PTPRA: variants seen among roughly 807,000 people sequenced by gnomAD.
PTPRA encodes receptor-type tyrosine-protein phosphatase alpha.
PTPRA carries 25 observed loss-of-function variants against 104.8 expected under a neutral mutation model. That is an observed-to-expected ratio of 0.24 (90% confidence interval 0.17 to 0.33). The LOEUF (loss-of-function observed/expected upper bound fraction) is 0.33. Among genes scored for constraint, PTPRA ranks in the 10% least tolerant of loss-of-function variants. The probability of loss-of-function intolerance (pLI) is 1.00; values close to 1 mark genes in which losing one functional copy is unlikely to be tolerated. For missense variants in PTPRA, 765 were observed against 1,015.3 expected (o/e 0.75, Z 3.35); for synonymous variants, 323 against 368.9 (o/e 0.88, Z 1.43).
intron 5 of PTPRA, among the ~76,000 whole-genome samples, chr20:2,971,823 T>C (rs1337014688): frequency 6.6e-6 from 1 of 152,074 alleles, no homozygotes; most frequent in African/African-American, 2.4e-5. Context: ...CTATGGTGGA[T>C]TCTATTCCTA....
chr20:2,956,221 A>G (rs768858357), intron 3 of PTPRA, among the ~76,000 whole-genome samples: 3 of 152,198 alleles, frequency 2.0e-5, no homozygotes, highest in Non-Finnish European at 2.9e-5. Context: ...TCACTCTGCC[A>G]TCAGTCATTG....
chr20:2,967,562 A>C (rs1294494791), intron 5 of PTPRA, among the ~76,000 whole-genome samples: 2 of 151,808 alleles, frequency 1.3e-5, no homozygotes, highest in Admixed American at 6.6e-5. Flanking sequence ...TTGTTTATTT[A>C]GTTTTCTATT....
chr20:3,037,607 CT>C lies in PTPRA; in HGVS notation c.2334+319del, dbSNP rs1169731239. 6.6e-6 allele frequency among the ~76,000 whole-genome samples: 1 copy of C among 152,220 alleles called. No individual in the cohort carries two copies. Among genetic ancestry groups the C allele is most frequent in the Non-Finnish European group, 1.5e-5 (1 of 68,048 alleles). Reference sequence around the variant, plus strand: ...GTACCTGCCTTTGGGCTTGGGCTCCCTGTTAAGAGGTCTGACTTTAATAAGC... The same window carrying C: ...GTACCTGCCTTTGGGCTTGGGCTCCCGTTAAGAGGTCTGACTTTAATAAGC... On this transcript the variant is annotated intron_variant, in intron 23 of 23. Coordinates refer to ENST00000399903, the MANE Select transcript of PTPRA (RefSeq NM_001385305.1). The surrounding 1 kb of genome is among the most constrained non-coding windows in gnomAD (Gnocchi z 4.3).
intron 3 of PTPRA, among the ~76,000 whole-genome samples, chr20:2,948,762 T>A (rs6115734): frequency 3.3e-5 from 5 of 151,760 alleles, no homozygotes; most frequent in East Asian, 3.9e-4. Flanking sequence ...CCATCCTGGC[T>A]AACACAGTGA....
chr20:2,907,733 A>AT (rs1193238731), intron 1 of PTPRA, among the ~76,000 whole-genome samples: 1 of 152,172 alleles, frequency 6.6e-6, no homozygotes, highest in African/African-American at 2.4e-5. Context: ...GACTCCTTGA[A>AT]TAAACATCTG....
intron 6 of PTPRA, among the ~76,000 whole-genome samples, chr20:2,985,511 T>G (rs2062861398): frequency 6.6e-6 from 1 of 151,872 alleles, no homozygotes; most frequent in Admixed American, 6.6e-5. Flanking sequence ...GATGGTGTAG[T>G]TCATGGAGTC....
intron 9 of PTPRA, among the ~76,000 whole-genome samples, chr20:3,001,163 T>C (rs1306745625): frequency 6.6e-6 from 1 of 152,226 alleles, no homozygotes; most frequent in African/African-American, 2.4e-5. Flanking sequence ...TTCCTAGCTC[T>C]GTGAGCTAGG....
intron 1 of PTPRA, among the ~76,000 whole-genome samples, chr20:2,907,773 TC>T (rs1461629982): frequency 2.0e-5 from 3 of 152,114 alleles, no homozygotes; most frequent in Non-Finnish European, 4.4e-5. Flanking sequence ...TCAAACTCAT[TC>T]AAAAGAGATG....
At chr20:2,934,910 G>A (rs1394773733) in intron 2 of PTPRA, among the ~76,000 whole-genome samples, 1 of 152,054 alleles carries the variant, frequency 6.6e-6, no homozygotes, top group Non-Finnish European at 1.5e-5. Context: ...GACCTCAGGT[G>A]ATCTGCTTGC....
At chr20:2,888,678 A>G (rs1040114172) in intron 1 of PTPRA, among the ~76,000 whole-genome samples, 1 of 152,168 alleles carries the variant, frequency 6.6e-6, no homozygotes. Flanking sequence ...AAGTATATAT[A>G]GTATATATAG....
rs1017664665 is a variant in PTPRA at position 3,035,985 on chromosome 20, G to A, written c.2198+44G>A. ...CTCAGCGGGAGAGAGAAAGCGAGGA[G>A]GGGCAGATAGGGGAAGCTGATGACC... is the stretch of plus-strand genomic sequence containing the variant. On this transcript the variant is annotated intron_variant, in intron 22 of 23. Coordinates refer to ENST00000399903, the MANE Select transcript of PTPRA (RefSeq NM_001385305.1). The surrounding 1 kb of genome is among the most constrained non-coding windows in gnomAD (Gnocchi z 5.8). 4 of 1,610,464 alleles carry A rather than the reference G, an allele frequency of 2.5e-6. No individual in the cohort carries two copies. Among genetic ancestry groups the A allele is most frequent in the African/African-American group, 2.7e-5 (2 of 74,846 alleles).
the PTPRA span, chr20:2,864,882 C>A: frequency 6.4e-7 from 1 of 1,552,572 alleles, no homozygotes; most frequent in Non-Finnish European, 8.9e-7. This position sits in a 1 kb window ranked among gnomAD's most constrained non-coding sequence, Gnocchi z 5.2. Context: ...CCCTGGCGAC[C>A]CTGGGCACAG....
chr20:2,984,159 AC>A (rs1380765218), intron 6 of PTPRA, among the ~76,000 whole-genome samples: 1 of 152,174 alleles, frequency 6.6e-6, no homozygotes, highest in Admixed American at 6.5e-5. Context: ...TTTGAAACTT[AC>A]CATTAACAAA....
chr20:2,996,129 A>G (rs1338376565), intron 9 of PTPRA, among the ~76,000 whole-genome samples: 3 of 152,232 alleles, frequency 2.0e-5, no homozygotes, highest in Non-Finnish European at 4.4e-5. Flanking sequence ...GTTAAAAGCA[A>G]GAGAAGTCAC....
chr20:2,868,310 CTTTTT>C, the PTPRA span, among the ~76,000 whole-genome samples: 1 of 104,160 alleles, frequency 9.6e-6, no homozygotes. Flanking sequence ...GACTCCACCT[CTTTTT>C]TTTTTTTTTT....
chr20:3,022,655 G>A lies in PTPRA; in HGVS notation c.1329-34G>A. ...CTATCTGCTCCCACAAGGCAGGCTG[G>A]CCATCCCTATAACCCCCTGCTCTCT... On this transcript the variant is annotated intron_variant, in intron 15 of 23. Transcript: ENST00000399903. This position sits in a 1 kb window ranked among gnomAD's most constrained non-coding sequence, Gnocchi z 4.6. 1 of 1,612,386 alleles carries A rather than the reference G, an allele frequency of 6.2e-7. No homozygotes were observed. Among genetic ancestry groups the A allele is most frequent in the Non-Finnish European group, 8.5e-7 (1 of 1,178,778 alleles).
intron 5 of PTPRA, among the ~76,000 whole-genome samples, chr20:2,968,990 T>C (rs2062049042): frequency 6.6e-6 from 1 of 152,074 alleles, no homozygotes; most frequent in Non-Finnish European, 1.5e-5. Context: ...GGTGGATCAC[T>C]TGAAGCCAGG....
chr20:2,928,830 CTT>C (rs762180655), intron 2 of PTPRA, among the ~76,000 whole-genome samples: 25 of 135,372 alleles, frequency 1.8e-4, no homozygotes, highest in Non-Finnish European at 2.5e-4. Context: ...TTTTTTCTCT[CTT>C]TTTTTTTTTT....
At chr20:2,884,459 A>G (rs2090254707) in intron 1 of PTPRA, among the ~76,000 whole-genome samples, 1 of 152,146 alleles carries the variant, frequency 6.6e-6, no homozygotes, top group African/African-American at 2.4e-5. Flanking sequence ...CTTTTTGATT[A>G]TAGCCATCTT....
Sources: gnomAD v4.1 joint callset for allele counts (sites outside exome capture counted in the v4.1 genomes callset) on GRCh38, gnomAD v4.1.1 for gene constraint, Gnocchi (gnomAD v3.1) non-coding constraint, MANE v1.5 for transcripts, NCBI Gene and HGNC (gene_info 2026-07-23, HGNC 2026-07-21) for gene names.